Variants in PRELID2 observed in about 807,000 individuals in gnomAD.
PRELID2 encodes the protein PRELI domain containing 2, also known as PRELI domain-containing protein 2.
Under a neutral mutation model 28.4 loss-of-function variants are expected in PRELID2, and 25 were observed. The observed-to-expected ratio is 0.88, with a 90% CI of 0.64 to 1.23. PRELID2 has a LOEUF of 1.23. PRELID2 is among the 50% of genes most tolerant of loss of function. The pLI, the probability that PRELID2 is intolerant of heterozygous loss-of-function variation, is 0.00. For missense variants in PRELID2, 201 were observed against 214.4 expected (o/e 0.94, Z 0.39); for synonymous variants, 76 against 71.6 (o/e 1.06, Z -0.31).
At chr5:145,559,946 G>A (rs1208113348) in intron 1 of PRELID2, among the ~76,000 whole-genome samples, 2 of 152,046 alleles carry the variant, frequency 1.3e-5, no homozygotes, top group Non-Finnish European at 2.9e-5. Flanking sequence ...GTGGGGTCAT[G>A]TTCCAATAAA....
the PRELID2 span, among the ~76,000 whole-genome samples, chr5:145,281,054 G>A: frequency 1.3e-5 from 2 of 152,022 alleles, no homozygotes; most frequent in African/African-American, 4.8e-5. Flanking sequence ...ATTCTTCTTT[G>A]TTGGCTCCAT....
At chr5:145,669,045 G>A (rs998022216) in intron 1 of PRELID2, among the ~76,000 whole-genome samples, 31 of 152,084 alleles carry the variant, frequency 2.0e-4, no homozygotes, top group African/African-American at 6.5e-4. Flanking sequence ...ACACATCCCC[G>A]TGCTCCCCAG....
At chr5:145,664,908 C>G (rs1387523596) in intron 1 of PRELID2, among the ~76,000 whole-genome samples, 2 of 152,056 alleles carry the variant, frequency 1.3e-5, no homozygotes, top group Non-Finnish European at 2.9e-5. Context: ...GTTCTTATGG[C>G]CACAGGTCAG....
chr5:145,653,802 A>G lies in PRELID2; in HGVS notation n.70+111129T>C, dbSNP rs534278660. 2.6e-5 allele frequency among the ~76,000 whole-genome samples: 4 copies of G among 152,364 alleles called. No homozygotes were observed. In the East Asian group the frequency reaches 7.7e-4, roughly 29 times the overall value. On this transcript the variant is annotated intron_variant and non_coding_transcript_variant, in intron 1 of 2. Transcript: ENST00000510259. The stretch of plus-strand genomic sequence containing the variant: ...ATGCCCACAAGAGAAAGCAGGAAAG[A>G]TCTAAAATTGACATCTTAACATCAC...
intron 1 of PRELID2, among the ~76,000 whole-genome samples, chr5:145,519,809 A>G (rs910980651): frequency 1.3e-5 from 2 of 152,242 alleles, no homozygotes; most frequent in Non-Finnish European, 2.9e-5. Flanking sequence ...GATTTATTTT[A>G]TATTACAAAA....
At chr5:145,801,061 C>T (rs1753105384) in intron 4 of PRELID2, among the ~76,000 whole-genome samples, 1 of 152,072 alleles carries the variant, frequency 6.6e-6, no homozygotes, top group African/African-American at 2.4e-5. Flanking sequence ...AACATTAGGG[C>T]ATTAGAATTA....
intron 1 of PRELID2, among the ~76,000 whole-genome samples, chr5:145,580,836 G>A (rs1753101894): frequency 6.6e-6 from 1 of 151,946 alleles, no homozygotes. Flanking sequence ...TGAATTACTG[G>A]AGCTAGCTAT....
chr5:145,333,099 G>A, the PRELID2 span, among the ~76,000 whole-genome samples: 34 of 152,208 alleles, frequency 2.2e-4, no homozygotes, highest in Admixed American at 2.6e-4. Flanking sequence ...ACCAGCAGGG[G>A]CTGCAGAACA....
chr5:145,579,233 A>C (rs1753087543), intron 1 of PRELID2, among the ~76,000 whole-genome samples: 7 of 152,086 alleles, frequency 4.6e-5, no homozygotes, highest in Admixed American at 3.9e-4. Flanking sequence ...TTATGCATAA[A>C]ATCTTCACTA....
the PRELID2 span, among the ~76,000 whole-genome samples, chr5:145,433,333 G>C: frequency 3.3e-5 from 5 of 152,120 alleles, no homozygotes; most frequent in Non-Finnish European, 2.9e-5. Flanking sequence ...TTAAACTACT[G>C]TCTCTCAGCT....
chr5:145,310,635 G>GAA, the PRELID2 span, among the ~76,000 whole-genome samples: 6 of 152,072 alleles, frequency 3.9e-5, no homozygotes, highest in Non-Finnish European at 4.4e-5. Flanking sequence ...TCCATCAGTT[G>GAA]GGTTACTCAA....
intron 1 of PRELID2, among the ~76,000 whole-genome samples, chr5:145,533,989 T>C (rs1274778358): frequency 6.6e-6 from 1 of 152,078 alleles, no homozygotes; most frequent in Non-Finnish European, 1.5e-5. Context: ...GAAGTTGAAA[T>C]TGGTGGATTA....
chr5:145,688,427 C>A (rs1050933393), intron 1 of PRELID2, among the ~76,000 whole-genome samples: 5 of 152,164 alleles, frequency 3.3e-5, no homozygotes, highest in African/African-American at 1.2e-4. Flanking sequence ...AAGTCCTCGT[C>A]AAATATTTAT....
chr5:145,666,488 TATAACA>T, intron 1 of PRELID2, among the ~76,000 whole-genome samples: 1 of 152,144 alleles, frequency 6.6e-6, no homozygotes, highest in Middle Eastern at 3.4e-3. Context: ...ACAGGTAAAA[TATAACA>T]ATAACAACTG....
chr5:145,634,245 C>T (rs1753970974), intron 1 of PRELID2, among the ~76,000 whole-genome samples: 1 of 152,154 alleles, frequency 6.6e-6, no homozygotes, highest in Admixed American at 6.5e-5. Flanking sequence ...TGAGAGTTAT[C>T]TTTCTAAAAT....
intron 1 of PRELID2, among the ~76,000 whole-genome samples, chr5:145,706,401 C>G (rs1214875973): frequency 2.0e-5 from 3 of 152,212 alleles, no homozygotes; most frequent in African/African-American, 7.2e-5. Context: ...ATGAGCGTAA[C>G]TCCTTTTTTT....
At chr5:145,583,905 C>T (rs772770220) in intron 1 of PRELID2, among the ~76,000 whole-genome samples, 4 of 152,002 alleles carry the variant, frequency 2.6e-5, no homozygotes, top group African/African-American at 4.8e-5. Flanking sequence ...CATTAAACTA[C>T]CATTGCAGTC....
intron 1 of PRELID2, among the ~76,000 whole-genome samples, chr5:145,702,450 C>G (rs1034502265): frequency 6.6e-6 from 1 of 152,108 alleles, no homozygotes; most frequent in Admixed American, 6.5e-5. Context: ...GCTCTTGGAT[C>G]CCTCCTTGGG....
chr5:145,468,456 G>A (rs1752023242), downstream of PRELID2, among the ~76,000 whole-genome samples: 1 of 152,090 alleles, frequency 6.6e-6, no homozygotes, highest in South Asian at 2.1e-4. Flanking sequence ...TGGGTCAAAT[G>A]GTATTTCTAG....
Sources: allele counts gnomAD v4.1 joint callset (sites outside exome capture counted in the v4.1 genomes callset), GRCh38; gene constraint gnomAD v4.1.1; transcripts MANE v1.5; gene names NCBI Gene and HGNC (gene_info 2026-07-23, HGNC 2026-07-21).